Variants in TRHDE observed in about 807,000 individuals in gnomAD.
TRHDE encodes thyrotropin-releasing hormone-degrading ectoenzyme.
Under a neutral mutation model 125.7 loss-of-function variants are expected in TRHDE, and 72 were observed. That is an observed-to-expected ratio of 0.57 (90% CI 0.47 to 0.70). The LOEUF (loss-of-function observed/expected upper bound fraction) is 0.70, where lower values mean the gene tolerates loss of function less well. Among genes scored for constraint, TRHDE ranks in the 30% least tolerant of loss-of-function variants. The pLI is 0.00. For synonymous variants in TRHDE, 509 were observed against 509.1 expected (o/e 1.00, Z 0.00); for missense variants, 1,110 against 1,327.1 (o/e 0.84, Z 2.54).
At chr12:72,643,712 T>C (rs1027354256) in intron 15 of TRHDE, among the ~76,000 whole-genome samples, 1 of 152,192 alleles carries the variant, frequency 6.6e-6, no homozygotes, top group African/African-American at 2.4e-5. Flanking sequence ...GCTCCTTAAG[T>C]ATACTGCTAC....
At chr12:72,373,596 A>G (rs975795934) in intron 2 of TRHDE, among the ~76,000 whole-genome samples, 1 of 152,212 alleles carries the variant, frequency 6.6e-6, no homozygotes, top group Non-Finnish European at 1.5e-5. Context: ...AATGGTGGTA[A>G]GTGTTTCAGG....
Position 72,605,938 on chromosome 12 carries a change from T to C in TRHDE, c.2322-12953T>C, listed in dbSNP as rs141454310. 1.8e-4 allele frequency among the ~76,000 whole-genome samples: 28 copies of C among 152,318 alleles called. No homozygotes were observed. The East Asian group carries it at 2.9e-3, about 16-fold the overall frequency. On this transcript the variant is annotated intron_variant, in intron 12 of 18. Coordinates refer to ENST00000261180, the MANE Select transcript of TRHDE (RefSeq NM_013381.3). ...ATGAAAAAAGCCTTTTTTCCTTGGA[T>C]ACAATAGATAAATGTTTAAAGACAA...
rs561757014 is a variant in TRHDE, at chr12:72,510,898, G to T, written c.1722+11263G>T. Among the ~76,000 whole-genome samples the T allele has an allele frequency of 2.0e-5, 3 of 152,210 alleles. No homozygotes were observed. The South Asian group carries it at 6.2e-4, about 32-fold the overall frequency. On this transcript the variant is annotated intron_variant, in intron 6 of 18. Transcript: ENST00000261180. ...AGAAAAGGCTAAAGAACTTACATAT[G>T]TCCACCCTGGAGGATAGAGGGCTAA...
At chr12:72,657,700 TTTTG>T (rs911651056) in intron 18 of TRHDE, among the ~76,000 whole-genome samples, 4 of 152,120 alleles carry the variant, frequency 2.6e-5, no homozygotes, top group Middle Eastern at 3.2e-3. Context: ...AGCCAGCTAG[TTTTG>T]TTTGTTTGTT....
At chr12:72,147,458 A>C (rs1157600647) in intron 2 of TRHDE, 4 of 152,224 alleles carry the variant, frequency 2.6e-5, no homozygotes, top group African/African-American at 9.6e-5. Flanking sequence ...CTAAAGGAAT[A>C]TGATAATAGT....
intron 5 of TRHDE, among the ~76,000 whole-genome samples, chr12:72,483,071 A>T (rs974155191): frequency 6.6e-6 from 1 of 151,756 alleles, no homozygotes; most frequent in Non-Finnish European, 1.5e-5. Context: ...ACAAGGATTA[A>T]TCTACATTGA....
chr12:72,550,750 AT>A (rs1869637032), intron 7 of TRHDE, among the ~76,000 whole-genome samples: 1 of 151,818 alleles, frequency 6.6e-6, no homozygotes, highest in Admixed American at 6.6e-5. Flanking sequence ...CTTCATATAT[AT>A]TTTTAGGAGC....
intron 2 of TRHDE, among the ~76,000 whole-genome samples, chr12:72,241,234 C>T (rs1878477207): frequency 6.6e-6 from 1 of 152,184 alleles, no homozygotes; most frequent in South Asian, 2.1e-4. Context: ...GATGTCACCA[C>T]CACTACAATC....
intron 6 of TRHDE, among the ~76,000 whole-genome samples, chr12:72,500,306 C>T (rs1394614198): frequency 6.6e-6 from 1 of 152,090 alleles, no homozygotes; most frequent in African/African-American, 2.4e-5. Context: ...GTTTTACATG[C>T]ACTAGCCACT....
At chr12:72,600,345 C>G (rs1203535650) in intron 12 of TRHDE, among the ~76,000 whole-genome samples, 1 of 151,882 alleles carries the variant, frequency 6.6e-6, no homozygotes, top group African/African-American at 2.4e-5. Context: ...TTGCTTTGGA[C>G]AACATGGCCA....
chr12:72,413,376 G>C (rs1383349579), intron 3 of TRHDE, among the ~76,000 whole-genome samples: 2 of 151,608 alleles, frequency 1.3e-5, no homozygotes, highest in Admixed American at 1.3e-4. Context: ...TTGAAATGTG[G>C]CTAATTAAAA....
intron 2 of TRHDE, among the ~76,000 whole-genome samples, chr12:72,316,820 G>A (rs1868825990): frequency 6.6e-6 from 1 of 152,266 alleles, no homozygotes; most frequent in East Asian, 1.9e-4. Context: ...AGTTTAAAAT[G>A]GAATTATTGT....
chr12:72,604,689 A>G (rs1265183937), intron 12 of TRHDE, among the ~76,000 whole-genome samples: 6 of 152,054 alleles, frequency 3.9e-5, no homozygotes, highest in Non-Finnish European at 7.4e-5. Flanking sequence ...AATAATATTA[A>G]TATACTTGTT....
At chr12:72,471,823 G>T (rs1332861507) in intron 4 of TRHDE, among the ~76,000 whole-genome samples, 1 of 152,176 alleles carries the variant, frequency 6.6e-6, no homozygotes, top group Non-Finnish European at 1.5e-5. Flanking sequence ...AGCCAAGCTT[G>T]TTAATGTGGC....
chr12:72,531,786 G>A (rs1316363800), intron 6 of TRHDE, among the ~76,000 whole-genome samples: 2 of 151,832 alleles, frequency 1.3e-5, no homozygotes, highest in African/African-American at 4.8e-5. Flanking sequence ...TATCAGTATT[G>A]GTATATCTGC....
intron 17 of TRHDE, among the ~76,000 whole-genome samples, chr12:72,655,545 A>G (rs529508969): frequency 2.0e-5 from 3 of 152,260 alleles, no homozygotes; most frequent in African/African-American, 7.2e-5. Flanking sequence ...GCCATTCCCA[A>G]GACCCTACAG....
intron 15 of TRHDE, among the ~76,000 whole-genome samples, chr12:72,637,203 G>C (rs1037781489): frequency 6.6e-5 from 10 of 152,122 alleles, no homozygotes; most frequent in African/African-American, 1.2e-4. Flanking sequence ...TCTATTCAGA[G>C]ATTCAACTTC....
Position 72,156,741 on chromosome 12 carries a change from G to A in TRHDE, n.279+50989G>A, listed in dbSNP as rs971872363. ...AGTGTATTGGAGGTGCTGATTTTAG[G>A]TGAAGAAACAAGGGAAACATTTATT... is the stretch of plus-strand genomic sequence containing the variant. On this transcript the variant is annotated intron_variant and non_coding_transcript_variant, in intron 2 of 4. Coordinates refer to the TRHDE transcript ENST00000548156. Among the ~76,000 whole-genome samples, 14 of 152,230 alleles carry A rather than the reference G, an allele frequency of 9.2e-5. 1 individual carries two copies. In the South Asian group the frequency reaches 2.9e-3, roughly 32 times the overall value.
rs552317342 is a variant in TRHDE, at chr12:72,411,259, C to A, written c.1315+33138C>A. ...GCAACTGATAACATTTGGCATGATT[C>A]TATATAGAACATCAAAGAGATTCAA... On this transcript the variant is annotated intron_variant, in intron 3 of 18. Transcript: ENST00000261180. Among the ~76,000 whole-genome samples, 579 of 149,316 alleles carry A rather than the reference C, an allele frequency of 3.9e-3. 2 individuals are homozygous for A. Among genetic ancestry groups the A allele is most frequent in the African/African-American group, 0.014 (561 of 40,720 alleles).
Sources: gnomAD v4.1 joint callset for allele counts (sites outside exome capture counted in the v4.1 genomes callset) on GRCh38, gnomAD v4.1.1 for gene constraint, MANE v1.5 for transcripts, NCBI Gene and HGNC (gene_info 2026-07-23, HGNC 2026-07-21) for gene names.